The following PCDH7 variants were observed in gnomAD, a reference collection of about 807,000 sequenced individuals.
The protein encoded by PCDH7 is protocadherin 7, also known as protocadherin-7.
PCDH7 carries 17 observed loss-of-function variants against 58.9 expected under a neutral mutation model. That is an observed-to-expected ratio of 0.29 (90% CI 0.20 to 0.43). PCDH7 has a LOEUF of 0.43. PCDH7 is among the 20% of genes least tolerant of loss of function. The pLI, the probability that PCDH7 is intolerant of heterozygous loss-of-function variation, is 1.00. For missense variants in PCDH7, 1,274 were observed against 1,441.0 expected (o/e 0.88, Z 1.88); for synonymous variants, 664 against 616.4 (o/e 1.08, Z -1.14).
chr4:30,836,332 A>C (rs1278714979), intron 1 of PCDH7, among the ~76,000 whole-genome samples: 2 of 152,232 alleles, frequency 1.3e-5, no homozygotes, highest in Non-Finnish European at 2.9e-5. Flanking sequence ...AAATGTATTA[A>C]GTGCTGTGAG....
intron 3 of PCDH7, among the ~76,000 whole-genome samples, chr4:31,073,551 T>A (rs1363121424): frequency 6.6e-6 from 1 of 152,148 alleles, no homozygotes; most frequent in East Asian, 1.9e-4. Flanking sequence ...AGTGACTACA[T>A]GAAAGACTTC....
chr4:30,738,445 A>G (rs1716612988), intron 1 of PCDH7, among the ~76,000 whole-genome samples: 1 of 152,120 alleles, frequency 6.6e-6, no homozygotes, highest in South Asian at 2.1e-4. Flanking sequence ...AAATATATGA[A>G]TCTATACTAC....
chr4:31,071,331 CT>C, intron 3 of PCDH7, among the ~76,000 whole-genome samples: 1 of 151,902 alleles, frequency 6.6e-6, no homozygotes, highest in Non-Finnish European at 1.5e-5. Context: ...ACATGTGTGT[CT>C]GTTGTTTACA....
intron 3 of PCDH7, among the ~76,000 whole-genome samples, chr4:31,068,254 G>A (rs1394599658): frequency 1.3e-5 from 2 of 151,280 alleles, no homozygotes; most frequent in Non-Finnish European, 1.5e-5. Flanking sequence ...GAGTAGATGG[G>A]AAATCTCTGT....
intron 1 of PCDH7, among the ~76,000 whole-genome samples, chr4:30,859,420 A>C (rs913379455): frequency 4.0e-5 from 6 of 151,896 alleles, no homozygotes; most frequent in African/African-American, 1.5e-4. Context: ...TGCATCAGAG[A>C]AAGCTCTAAT....
intron 1 of PCDH7, among the ~76,000 whole-genome samples, chr4:30,902,108 T>C (rs946922562): frequency 1.3e-5 from 2 of 152,198 alleles, no homozygotes; most frequent in Non-Finnish European, 2.9e-5. Context: ...TATTAGGGAA[T>C]GTCACTATGC....
intron 2 of PCDH7, among the ~76,000 whole-genome samples, chr4:30,934,448 T>C (rs1160309329): frequency 6.6e-6 from 1 of 152,176 alleles, no homozygotes; most frequent in Non-Finnish European, 1.5e-5. Flanking sequence ...ATTACTCTTC[T>C]TTACCTTAAT....
chr4:30,843,935 A>T (rs982557324), intron 1 of PCDH7, among the ~76,000 whole-genome samples: 21 of 152,042 alleles, frequency 1.4e-4, no homozygotes, highest in Non-Finnish European at 2.5e-4. Context: ...AAATAAAAAT[A>T]AAAAATAAAA....
At chr4:30,941,204 GC>G (rs1746001039) in intron 2 of PCDH7, among the ~76,000 whole-genome samples, 1 of 151,902 alleles carries the variant, frequency 6.6e-6, no homozygotes, top group African/African-American at 2.4e-5. Context: ...AGAACAGTGT[GC>G]AAAGTATTTC....
rs555763219 is a variant in PCDH7 at position 30,877,751 on chromosome 4, C to G, written c.71-42402C>G. 4.9e-4 allele frequency among the ~76,000 whole-genome samples: 75 copies of G among 152,196 alleles called. No homozygotes were observed. The Middle Eastern group carries it at 0.014, about 28-fold the overall frequency. ...TCAGTGGAAAATTTCATACATATAG[C>G]TTTAGGCAGAATTTTCTGTTCTTAG... On this transcript the variant is annotated intron_variant, in intron 1 of 3. Transcript: ENST00000509759.
intron 1 of PCDH7, among the ~76,000 whole-genome samples, chr4:30,755,903 AC>A (rs1719226498): frequency 6.6e-6 from 1 of 151,916 alleles, no homozygotes; most frequent in African/African-American, 2.4e-5. Flanking sequence ...AGATGGTGAA[AC>A]CCCGTTTCTA....
At chr4:31,042,631 A>C (rs1755972799) in intron 3 of PCDH7, among the ~76,000 whole-genome samples, 1 of 152,148 alleles carries the variant, frequency 6.6e-6, no homozygotes, top group African/African-American at 2.4e-5. Flanking sequence ...CAAACTCAAA[A>C]ATTTTACTCT....
chr4:31,006,892 C>T (rs1335565632), intron 3 of PCDH7, among the ~76,000 whole-genome samples: 1 of 118,284 alleles, frequency 8.5e-6, no homozygotes, highest in South Asian at 2.5e-4. Context: ...AACTTTGTCT[C>T]AAAAAAAAAA....
intron 2 of PCDH7, among the ~76,000 whole-genome samples, chr4:30,926,728 C>T (rs371823300): frequency 8.8e-4 from 134 of 152,222 alleles, no homozygotes; most frequent in African/African-American, 3.1e-3. Flanking sequence ...GGCATCAAAC[C>T]AACCGACTCT....
chr4:30,736,575 G>A (rs1210252642), downstream of PCDH7, among the ~76,000 whole-genome samples: 9 of 141,274 alleles, frequency 6.4e-5, no homozygotes, highest in Middle Eastern at 3.8e-3. Flanking sequence ...TCGCTCTGCC[G>A]CCGGGGCTGG....
At chr4:30,956,494 T>C (rs2109453958) in intron 3 of PCDH7, among the ~76,000 whole-genome samples, 1 of 152,326 alleles carries the variant, frequency 6.6e-6, no homozygotes, top group South Asian at 2.1e-4. Context: ...TCTTCTGTTA[T>C]CTGTAGACTA....
intron 1 of PCDH7, among the ~76,000 whole-genome samples, chr4:30,875,602 C>G (rs1348462882): frequency 6.6e-6 from 1 of 152,110 alleles, no homozygotes; most frequent in African/African-American, 2.4e-5. Flanking sequence ...TTACCTCCCT[C>G]TCTCTAGATT....
At chr4:31,124,210 G>A (rs1416247263) in intron 3 of PCDH7, among the ~76,000 whole-genome samples, 2 of 152,132 alleles carry the variant, frequency 1.3e-5, no homozygotes, top group South Asian at 2.1e-4. Flanking sequence ...CCTGCCTCCT[G>A]TCTATATCAG....
rs1161968770 is a variant in PCDH7, at chr4:31,038,772, T to C, written c.*7+88557T>C. Reference sequence around the variant, plus strand: ...GATAATTTACTTATCAATTCTTCTATTGATGGACATTAGAATCCTTTCTGG... The same window carrying C: ...GATAATTTACTTATCAATTCTTCTACTGATGGACATTAGAATCCTTTCTGG... On this transcript the variant is annotated intron_variant, in intron 3 of 3. Coordinates refer to the PCDH7 transcript ENST00000509759. Among the ~76,000 whole-genome samples the C allele has an allele frequency of 2.0e-5, 3 of 152,198 alleles. 1 individual carries two copies. Among genetic ancestry groups the C allele is most frequent in the Admixed American group, 1.3e-4 (2 of 15,286 alleles).
Sources: gnomAD v4.1 joint callset for allele counts (sites outside exome capture counted in the v4.1 genomes callset) on GRCh38, gnomAD v4.1.1 for gene constraint, MANE v1.5 for transcripts, NCBI Gene and HGNC (gene_info 2026-07-23, HGNC 2026-07-21) for gene names.